TRARG1: variants seen among roughly 807,000 people sequenced by gnomAD.
The protein encoded by TRARG1 is trafficking regulator of GLUT4 1.
In TRARG1, 16 loss-of-function variants were observed where a neutral mutation model predicts 13.3. The observed-to-expected ratio is 1.20, with a 90% CI of 0.81 to 1.83. The LOEUF is 1.83. Among genes scored for constraint, TRARG1 ranks in the 40% most tolerant of loss-of-function variants. The pLI is 0.00. For synonymous variants in TRARG1, 113 were observed against 106.2 expected (o/e 1.06, Z -0.39); for missense variants, 250 against 237.4 (o/e 1.05, Z -0.35).
In TRARG1 at chr17:1,279,968, C is replaced by G; in HGVS notation, c.-34C>G. 1 of 1,581,060 alleles carries G rather than the reference C, an allele frequency of 6.3e-7. No homozygotes were observed. On this transcript the variant is annotated 5_prime_UTR_variant, in exon 1 of 3. Coordinates refer to ENST00000333813, the MANE Select transcript of TRARG1 (RefSeq NM_172367.3). The stretch of plus-strand genomic sequence containing the variant: ...GTCCCTCCAGAGCCCCTTGTCCCAG[C>G]CTGGAGCTGCAGCCGCGCAAGGCCC...
At chr17:1,282,958 G>C (rs1461138830) in intron 1 of TRARG1, among the ~76,000 whole-genome samples, 1 of 152,150 alleles carries the variant, frequency 6.6e-6, no homozygotes, top group Admixed American at 6.6e-5. Flanking sequence ...CCAAAGTGCT[G>C]GGATTACAGG....
At chr17:1,282,231 T>TGTACGTATACAC (rs2071984331) in intron 1 of TRARG1, among the ~76,000 whole-genome samples, 1 of 140,764 alleles carries the variant, frequency 7.1e-6, no homozygotes, top group African/African-American at 2.8e-5. Context: ...CGTGCGTATA[T>TGTACGTATACAC]GTACGTATAT....
Position 1,279,837 on chromosome 17 carries a change from G to T in TRARG1, c.-165G>T. On this transcript the variant is annotated 5_prime_UTR_variant, in exon 1 of 3. Coordinates refer to ENST00000333813, the MANE Select transcript of TRARG1 (RefSeq NM_172367.3). ...CCTCTGAACTCAGCTGGCTTGAGAA[G>T]CTCAGCCCAACCCTTCCAGCACCCA... is the stretch of plus-strand genomic sequence containing the variant. 1.3e-6 allele frequency: 1 copy of T among 756,114 alleles called. No homozygotes were observed. 46.8% of individuals were successfully genotyped at this position (756,114 alleles called of 1,614,324 possible).
Position 1,280,311 on chromosome 17 carries a change from T to G in TRARG1, c.310T>G (p.Tyr104Asp), listed in dbSNP as rs761992799. 1 of 1,613,824 alleles carries G rather than the reference T, an allele frequency of 6.2e-7. No homozygotes were observed. Among genetic ancestry groups the G allele is most frequent in the Non-Finnish European group, 8.5e-7 (1 of 1,179,882 alleles). ...CCAAGACCAAGAAGCCCCCAGAGAT[T>G]ACCTCATCCTGGCCGTCGTCGCCTG... The part of the protein sequence containing the change: ...YAQDQEAPRD[Y>D]LILAVVACFC... Residue 104 changes from tyrosine (Y) to aspartate (D), a missense_variant, in exon 1 of 3, where the codon TAC becomes GAC. Transcript: ENST00000333813.
intron 1 of TRARG1, among the ~76,000 whole-genome samples, chr17:1,295,014 G>A (rs546080071): frequency 2.6e-4 from 40 of 152,278 alleles, no homozygotes; most frequent in African/African-American, 9.4e-4. Context: ...AGGCAGGGGT[G>A]GGGGGTGCTT....
At chr17:1,295,700 G>A in intron 2 of TRARG1, 77 bp downstream of exon 2, 2 of 1,479,182 alleles carry the variant, frequency 1.4e-6, no homozygotes, top group Non-Finnish European at 1.8e-6. Context: ...CCCAGCCTCA[G>A]GGGCAGAGGT....
chr17:1,292,245 T>A (rs1016044126), intron 1 of TRARG1, among the ~76,000 whole-genome samples: 1 of 152,196 alleles, frequency 6.6e-6, no homozygotes, highest in Non-Finnish European at 1.5e-5. Flanking sequence ...TGGACTTCGT[T>A]CTGTGGAAGA....
chr17:1,292,184 C>G (rs898083213), intron 1 of TRARG1, among the ~76,000 whole-genome samples: 1 of 145,094 alleles, frequency 6.9e-6, no homozygotes, highest in Non-Finnish European at 1.5e-5. Context: ...CAAAACAAAA[C>G]AAAACAAAAC....
rs757573314 is a variant in TRARG1 at position 1,280,188 on chromosome 17, A to G, written c.187A>G (p.Lys63Glu). 1 of 1,614,020 alleles carries G rather than the reference A, an allele frequency of 6.2e-7. No homozygotes were observed. Among genetic ancestry groups the G allele is most frequent in the Non-Finnish European group, 8.5e-7 (1 of 1,179,964 alleles). ...LEQNSQGLPF[K>E]AISEGHLEAP... ...GCAGAACAGCCAGGGCCTACCCTTC[A>G]AGGCCATCTCCGAGGGGCACCTGGA... The change falls in exon 1 of 3, where the codon AAG becomes GAG. Residue 63 changes from lysine (K) to glutamate (E), a missense_variant. Physicochemically the swap from Lys to Glu is moderately conservative, Grantham distance 56. Coordinates refer to ENST00000333813, the MANE Select transcript of TRARG1 (RefSeq NM_172367.3).
chr17:1,281,986 G>A (rs1567927811), intron 1 of TRARG1, among the ~76,000 whole-genome samples: 1 of 123,940 alleles, frequency 8.1e-6, no homozygotes, highest in East Asian at 3.0e-4. Flanking sequence ...GTACATATAT[G>A]TACATATATA....
At chr17:1,281,610 C>T (rs950793148) in intron 1 of TRARG1, among the ~76,000 whole-genome samples, 2 of 152,102 alleles carry the variant, frequency 1.3e-5, no homozygotes, top group Admixed American at 1.3e-4. Context: ...GAAGCAGGGC[C>T]GGGCAGGGGC....
chr17:1,281,956 A>G (rs577947066), intron 1 of TRARG1, among the ~76,000 whole-genome samples: 6 of 151,588 alleles, frequency 4.0e-5, no homozygotes, highest in East Asian at 3.9e-4. Flanking sequence ...ATGCACATAC[A>G]TGTACATATA....
chr17:1,293,440 A>AGTTTGATGATGTCGTGGGTTGG (rs1009164755), intron 1 of TRARG1, among the ~76,000 whole-genome samples: 6 of 151,638 alleles, frequency 4.0e-5, no homozygotes, highest in Admixed American at 6.6e-5. Context: ...TCACGAGTTG[A>AGTTTGATGATGTCGTGGGTTGG]GTTTGATGAT....
At chr17:1,294,975 C>T (rs1186222686) in intron 1 of TRARG1, among the ~76,000 whole-genome samples, 2 of 152,196 alleles carry the variant, frequency 1.3e-5, no homozygotes, top group East Asian at 1.9e-4. Context: ...TGAGCCGCTG[C>T]GCCCGGCTGA....
chr17:1,282,088 A>T (rs904461154), intron 1 of TRARG1, among the ~76,000 whole-genome samples: 3 of 149,954 alleles, frequency 2.0e-5, no homozygotes, highest in Middle Eastern at 3.4e-3. Context: ...ATATATGTAC[A>T]TATATACGTA....
At chr17:1,286,684 CAGCCTGTGGGGTGTTGTT>C (rs2072027429) in intron 1 of TRARG1, among the ~76,000 whole-genome samples, 1 of 115,908 alleles carries the variant, frequency 8.6e-6, no homozygotes. Context: ...GGGGTGTTAT[CAGCCTGTGGGGTGTTGTT>C]GGCCTGTGGG....
intron 1 of TRARG1, among the ~76,000 whole-genome samples, chr17:1,287,389 C>G (rs533613299): frequency 6.6e-6 from 1 of 151,910 alleles, no homozygotes; most frequent in Non-Finnish European, 1.5e-5. Context: ...GAGACAGAGT[C>G]TCGCTCTGTC....
At chr17:1,297,037 G>A (rs1385162964) in intron 2 of TRARG1, among the ~76,000 whole-genome samples, 1 of 152,108 alleles carries the variant, frequency 6.6e-6, no homozygotes, top group African/African-American at 2.4e-5. Context: ...GGTCTGAACT[G>A]CCGATTTTCT....
intron 1 of TRARG1, among the ~76,000 whole-genome samples, chr17:1,288,330 CTCCTCATCCCCCACGGGT>C (rs1567930551): frequency 1.8e-4 from 9 of 50,142 alleles, no homozygotes; most frequent in African/African-American, 7.7e-4. Flanking sequence ...CCCCCACGGG[CTCCTCATCCCCCACGGGT>C]TCCCCATCCC....
Sources: gnomAD v4.1 joint callset for allele counts (sites outside exome capture counted in the v4.1 genomes callset) on GRCh38, gnomAD v4.1.1 for gene constraint, MANE v1.5 for transcripts, NCBI Gene and HGNC (gene_info 2026-07-23, HGNC 2026-07-21) for gene names.